Variants in NF1 observed in about 807,000 individuals in gnomAD.
NF1 encodes the protein neurofibromin.
Under a neutral mutation model 325.7 loss-of-function variants are expected in NF1, and 122 were observed. That is an observed-to-expected ratio of 0.37 (90% confidence interval 0.32 to 0.44). The LOEUF (loss-of-function observed/expected upper bound fraction) is 0.44. Among genes scored for constraint, NF1 ranks in the 20% least tolerant of loss-of-function variants. The probability of loss-of-function intolerance (pLI) is 1.00; values close to 1 mark genes in which losing one functional copy is unlikely to be tolerated. For missense variants in NF1, 2,140 were observed against 3,415.4 expected (o/e 0.63, Z 9.31); for synonymous variants, 1,091 against 1,186.0 (o/e 0.92, Z 1.65).
intron 1 of NF1, among the ~76,000 whole-genome samples, chr17:31,115,772 G>A (rs2143333638): frequency 6.6e-6 from 1 of 152,286 alleles, no homozygotes; most frequent in South Asian, 2.1e-4. Context: ...TGTCGCCCAT[G>A]TCCTTGATGG....
chr17:31,293,142 C>A (rs2068377277), intron 36 of NF1, among the ~76,000 whole-genome samples: 1 of 130,334 alleles, frequency 7.7e-6, no homozygotes, highest in Non-Finnish European at 1.5e-5. Flanking sequence ...CACGCCATTG[C>A]ACTCCAGCCT....
intron 1 of NF1, among the ~76,000 whole-genome samples, chr17:31,127,757 A>G (rs1915005680): frequency 6.6e-6 from 1 of 151,866 alleles, no homozygotes; most frequent in Non-Finnish European, 1.5e-5. Flanking sequence ...ACTGACTTAT[A>G]TCTAGATTCT....
At chr17:31,232,672 T>C (rs769220735) in intron 25 of NF1, 28 bp from the exon 26 acceptor site, 4 of 1,591,286 alleles carry the variant, frequency 2.5e-6, no homozygotes, top group Non-Finnish European at 3.4e-6. Flanking sequence ...GCCTTCACTA[T>C]GTAAAGGTCA....
chr17:31,153,497 C>A (rs1917089895), intron 1 of NF1, among the ~76,000 whole-genome samples: 2 of 152,202 alleles, frequency 1.3e-5, no homozygotes, highest in Non-Finnish European at 2.9e-5. Context: ...GGCTAATATT[C>A]CTAAATTGGG....
At chr17:31,124,353 C>G (rs1914685359) in intron 1 of NF1, among the ~76,000 whole-genome samples, 2 of 151,930 alleles carry the variant, frequency 1.3e-5, no homozygotes, top group Non-Finnish European at 2.9e-5. Flanking sequence ...GTGTGAACCA[C>G]CACTCCTGGC....
intron 1 of NF1, among the ~76,000 whole-genome samples, chr17:31,139,375 G>GACACACACACACAC (rs58863782): frequency 2.1e-5 from 3 of 144,082 alleles, no homozygotes; most frequent in Admixed American, 7.0e-5. Flanking sequence ...GTTTTACACA[G>GACACACACACACAC]ACACACACAC....
intron 1 of NF1, among the ~76,000 whole-genome samples, chr17:31,140,509 T>C (rs1359552556): frequency 6.6e-6 from 1 of 152,244 alleles, no homozygotes; most frequent in African/African-American, 2.4e-5. Flanking sequence ...AATAAAACAA[T>C]ATATCCTTAG....
In NF1 at chr17:31,259,202, C is replaced by T; in HGVS notation, c.4430+73C>T. On this transcript the variant is annotated intron_variant, in intron 33 of 57. Coordinates refer to ENST00000358273, the MANE Select transcript of NF1 (RefSeq NM_001042492.3). ...TTCGGTTTCACATAAATCCATGTAC[C>T]TGTTTTACATGAAGTTCCTGTGTAA... 2.9e-6 allele frequency: 3 copies of T among 1,028,696 alleles called. 1 individual carries two copies. Among genetic ancestry groups the T allele is most frequent in the South Asian group, 2.7e-5 (2 of 72,844 alleles). 63.7% of individuals were successfully genotyped at this position (1,028,696 alleles called of 1,614,324 possible).
Position 31,229,282 on chromosome 17 carries a change from A to C in NF1, c.2667A>C (p.Thr889=), listed in dbSNP as rs1597715583. 6.2e-7 allele frequency: 1 copy of C among 1,613,772 alleles called. No homozygotes were observed. Among genetic ancestry groups the C allele is most frequent in the Non-Finnish European group, 8.5e-7 (1 of 1,179,836 alleles). ...SVMSSEGNAD[T]PVSKFMDRLL... Reference sequence around the variant, plus strand: ...TGTCTTCAGAGGGAAACGCAGATACACCTGTCAGCAAATTTATGGATCGGC... The same window carrying C: ...TGTCTTCAGAGGGAAACGCAGATACCCCTGTCAGCAAATTTATGGATCGGC... Residue 889 remains threonine, a synonymous_variant, in exon 21 of 58, where the codon ACA becomes ACC. Coordinates refer to ENST00000358273, the MANE Select transcript of NF1 (RefSeq NM_001042492.3).
At chr17:31,110,039 T>G (rs980234848) in intron 1 of NF1, among the ~76,000 whole-genome samples, 1 of 152,178 alleles carries the variant, frequency 6.6e-6, no homozygotes, top group African/African-American at 2.4e-5. Context: ...TAAGACTTGT[T>G]AAAAGTACAG....
At chr17:31,158,503 CA>C (rs1355474244) in intron 2 of NF1, among the ~76,000 whole-genome samples, 1 of 152,032 alleles carries the variant, frequency 6.6e-6, no homozygotes, top group Non-Finnish European at 1.5e-5. Flanking sequence ...AACAAAACAG[CA>C]TTGTTATATT....
At chr17:31,289,642 T>C (rs546845796) in intron 36 of NF1, among the ~76,000 whole-genome samples, 1 of 152,286 alleles carries the variant, frequency 6.6e-6, no homozygotes, top group African/African-American at 2.4e-5. Flanking sequence ...TTTAAAAAAC[T>C]CTTCATAAAT....
At chr17:31,137,422 T>C (rs937535325) in intron 1 of NF1, 3 of 152,248 alleles carry the variant, frequency 2.0e-5, no homozygotes, top group Admixed American at 6.5e-5. Context: ...CTCATTTTTT[T>C]CATTTGCTTC....
chr17:31,215,929 T>C (rs1471604472), intron 13 of NF1, among the ~76,000 whole-genome samples: 11 of 152,204 alleles, frequency 7.2e-5, no homozygotes, highest in Non-Finnish European at 1.3e-4. Flanking sequence ...TAATTTTTCT[T>C]GGAGAGTGGA....
At chr17:31,358,326 T>G (rs1027202451) in intron 54 of NF1, 154 bp from the exon 55 acceptor site, 76 of 745,126 alleles carry the variant, frequency 1.0e-4, no homozygotes, top group Non-Finnish European at 1.4e-4. Context: ...GTAGAAAATT[T>G]GGAAAATGAA....
chr17:31,282,381 CA>C (rs35267324), intron 36 of NF1, among the ~76,000 whole-genome samples: 49,991 of 99,008 alleles, frequency 0.5, 10,605 homozygotes, highest in African/African-American at 0.7. Context: ...GATTCCATCT[CA>C]AAAAAAAAAA....
chr17:31,367,268 C>A (rs1437995950), intron 57 of NF1: 1 of 1,311,168 alleles, frequency 7.6e-7, no homozygotes, highest in Non-Finnish European at 1.0e-6. Flanking sequence ...TGCAGCTGTT[C>A]CCTCATCAAG....
At position 31,095,153 on chromosome 17, in the gene NF1, A is replaced by T. The variant is rs1036487395; in HGVS notation, c.-157A>T. The T allele has an allele frequency of 1.6e-5, 5 of 313,548 alleles. No homozygotes were observed. Among genetic ancestry groups the T allele is most frequent in the South Asian group, 2.8e-5 (1 of 36,048 alleles). 19.4% of individuals were successfully genotyped at this position (313,548 alleles called of 1,614,324 possible). A position where few individuals can be genotyped will look rare whatever the true frequency, so the allele number is the denominator to read the frequency against. On this transcript the variant is annotated 5_prime_UTR_variant, in exon 1 of 58. Transcript: ENST00000358273. The stretch of plus-strand genomic sequence containing the variant: ...CCTCTCCCCCTCCCGCTCGGCGCTG[A>T]CCCCCCATCCCCACCCCCGTGGGAA...
intron 1 of NF1, among the ~76,000 whole-genome samples, chr17:31,143,612 CT>C (rs1916384375): frequency 6.6e-6 from 1 of 152,034 alleles, no homozygotes; most frequent in African/African-American, 2.4e-5. Flanking sequence ...TTAGTCTTTT[CT>C]TTTTGATGTG....
Sources: gnomAD v4.1 joint callset for allele counts (sites outside exome capture counted in the v4.1 genomes callset) on GRCh38, gnomAD v4.1.1 for gene constraint, MANE v1.5 for transcripts, NCBI Gene and HGNC (gene_info 2026-07-23, HGNC 2026-07-21) for gene names.